The following TRMT44 variants were observed in gnomAD, a reference collection of about 807,000 sequenced individuals.
The protein encoded by TRMT44 is probable tRNA (uracil-O(2)-)-methyltransferase.
A neutral mutation model predicts 77.3 loss-of-function variants in TRMT44; 78 were observed. That is an observed-to-expected ratio of 1.01 (90% CI 0.84 to 1.22). The LOEUF (loss-of-function observed/expected upper bound fraction) is 1.22, where lower values mean the gene tolerates loss of function less well. TRMT44 is among the 50% of genes most tolerant of loss of function. The probability of loss-of-function intolerance (pLI) is 0.00; values close to 1 mark genes in which losing one functional copy is unlikely to be tolerated. For synonymous variants in TRMT44, 391 were observed against 383.3 expected (o/e 1.02, Z -0.23); for missense variants, 1,090 against 964.4 (o/e 1.13, Z -1.73).
chr4:8,448,658 A>G (rs1358194874), intron 2 of TRMT44, among the ~76,000 whole-genome samples: 2 of 152,230 alleles, frequency 1.3e-5, no homozygotes, highest in African/African-American at 4.8e-5. Context: ...CACAGTCCCG[A>G]GCAGGGAGCT....
chr4:8,482,048 C>T (rs749134288), intron 2 of TRMT44, among the ~76,000 whole-genome samples: 7 of 152,176 alleles, frequency 4.6e-5, no homozygotes, highest in African/African-American at 1.2e-4. Flanking sequence ...TGTTAAGGTG[C>T]GTGTCGAGGT....
rs113553358 is a variant in TRMT44, at chr4:8,465,535, T to G, written c.1468T>G (p.Cys490Gly). 11 of 1,613,086 alleles carry G rather than the reference T, an allele frequency of 6.8e-6. No individual in the cohort carries two copies. The Admixed American group carries it at 8.4e-5, about 12-fold the overall frequency. ...CTGTGGGTTTCACGTGGACGAAGAC[T>G]GCCTCAGGATTCCTTCAACCAAAAG... ...FTCGFHVDED[C>G]LRIPSTKRVC... Residue 490 changes from cysteine (C) to glycine (G), a missense_variant, in exon 8 of 11, where the codon TGC (cysteine) becomes GGC (glycine). Physicochemically the swap from Cys to Gly is radical, Grantham distance 159. Transcript: ENST00000389737.
In TRMT44 at chr4:8,453,154, A is replaced by T. The variant is rs144129689; in HGVS notation, c.1131+165A>T. On this transcript the variant is annotated intron_variant, in intron 5 of 10. Coordinates refer to ENST00000389737, the MANE Select transcript of TRMT44 (RefSeq NM_152544.3). Reference sequence around the variant, plus strand: ...AAATTTCTGTTAATCTGATAAACAAACAGCTCCTAAAACAAGGGAAACGTG... The same window carrying T: ...AAATTTCTGTTAATCTGATAAACAATCAGCTCCTAAAACAAGGGAAACGTG... Among the ~76,000 whole-genome samples, 1,266 of 152,328 alleles carry T rather than the reference A, an allele frequency of 8.3e-3. 7 individuals are homozygous for T. Among genetic ancestry groups the T allele is most frequent in the Non-Finnish European group, 0.014 (922 of 68,032 alleles).
intron 1 of TRMT44, among the ~76,000 whole-genome samples, chr4:8,442,681 A>AT (rs1724825683): frequency 6.6e-6 from 1 of 152,144 alleles, no homozygotes; most frequent in South Asian, 2.1e-4. Flanking sequence ...GTAGAATCCA[A>AT]TTTTTTATGT....
In TRMT44 at chr4:8,444,687, C is replaced by T. The variant is rs1724957435; in HGVS notation, c.620-1789C>T. ...TGCCGGGGTTACGGGCGTGAGCCACCTCTCCCGGCCACTATTGTACATTTT... is the reference window on the plus strand; with the variant it reads ...TGCCGGGGTTACGGGCGTGAGCCACTTCTCCCGGCCACTATTGTACATTTT... On this transcript the variant is annotated intron_variant, in intron 1 of 10. Transcript: ENST00000389737. The surrounding 1 kb of genome is among the most constrained non-coding windows in gnomAD (Gnocchi z 4.0). 6.6e-6 allele frequency among the ~76,000 whole-genome samples: 1 copy of T among 152,196 alleles called. No homozygotes were observed. Among genetic ancestry groups the T allele is most frequent in the Non-Finnish European group, 1.5e-5 (1 of 68,034 alleles).
In TRMT44 at chr4:8,454,818, C is replaced by T. The variant is rs775770202; in HGVS notation, c.1203+5C>T. 1.9e-5 allele frequency: 30 copies of T among 1,613,816 alleles called. No homozygotes were observed. The highest frequency in any genetic ancestry group is 1.8e-4 in the South Asian group (16 of 91,082). ...GGACCACAAACTCAGTTAGAGGTAC[C>T]GTCTTTATTACGCATGCCCTTGATC... is the stretch of plus-strand genomic sequence containing the variant. On this transcript the variant is annotated splice_donor_5th_base_variant and intron_variant, in intron 6 of 10. Coordinates refer to ENST00000389737, the MANE Select transcript of TRMT44 (RefSeq NM_152544.3).
At chr4:8,470,931 T>G in intron 9 of TRMT44, 153 bp from the exon 10 acceptor site, 1 of 583,192 alleles carries the variant, frequency 1.7e-6, no homozygotes, top group Non-Finnish European at 3.1e-6. Context: ...TGGTGCGGTG[T>G]GGTGTGGGTT....
chr4:8,470,693 C>T (rs1220871893), intron 9 of TRMT44, among the ~76,000 whole-genome samples: 2 of 152,226 alleles, frequency 1.3e-5, no homozygotes, highest in Admixed American at 6.5e-5. Context: ...TGGGAAGGCT[C>T]AGGCCCCAGG....
At position 8,446,903 on chromosome 4, in the gene TRMT44, A is replaced by ATTG. The variant is rs1169963028; in HGVS notation, c.734+314_734+316dup. Reference sequence around the variant, plus strand: ...CTTTATTGTTATTGTTATTATTATTATTGAGACAGTCTTACACTGTTGCCC... The same window carrying ATTG: ...CTTTATTGTTATTGTTATTATTATTATTGTTGAGACAGTCTTACACTGTTGCCC... On this transcript the variant is annotated intron_variant, in intron 2 of 10. Transcript: ENST00000389737. This position sits in a 1 kb window ranked among gnomAD's most constrained non-coding sequence, Gnocchi z 4.3. 6.6e-6 allele frequency among the ~76,000 whole-genome samples: 1 copy of ATTG among 152,072 alleles called. No homozygotes were observed. Among genetic ancestry groups the ATTG allele is most frequent in the Non-Finnish European group, 1.5e-5 (1 of 68,006 alleles).
intron 10 of TRMT44, among the ~76,000 whole-genome samples, chr4:8,471,457 T>C (rs1285361452): frequency 6.6e-6 from 1 of 152,240 alleles, no homozygotes. Context: ...CCCTATGCTG[T>C]GCTTGCTGAC....
At chr4:8,474,695 C>T (rs575456777) in intron 10 of TRMT44, among the ~76,000 whole-genome samples, 22 of 152,336 alleles carry the variant, frequency 1.4e-4, no homozygotes, top group Admixed American at 9.8e-4. Flanking sequence ...TCCCCCGAGC[C>T]TTCTGTCGTG....
intron 5 of TRMT44, 48 bp from the exon 6 acceptor site, chr4:8,454,694 T>G (rs773367590): frequency 1.3e-6 from 2 of 1,569,344 alleles, no homozygotes; most frequent in Non-Finnish European, 8.8e-7. Context: ...GCTAACTTAT[T>G]ATGAAGTACT....
chr4:8,454,244 A>G (rs180690666), intron 5 of TRMT44, among the ~76,000 whole-genome samples: 95 of 152,176 alleles, frequency 6.2e-4, no homozygotes, highest in Non-Finnish European at 9.4e-4. Flanking sequence ...TGGTCACTCA[A>G]CTCCATGTCC....
Position 8,440,887 on chromosome 4 carries a change from C to T in TRMT44, c.65C>T (p.Ala22Val). ...PGALLPQGFWAAVEVWLERPQ... is the reference protein window; with the variant it reads ...PGALLPQGFWVAVEVWLERPQ... ...GCGCTTCTCCCACAGGGCTTCTGGG[C>T]TGCGGTCGAAGTGTGGCTGGAGAGG... The change falls in exon 1 of 11, where the codon GCT becomes GTT. Residue 22 changes from alanine (A) to valine (V), a missense_variant. Coordinates refer to ENST00000389737, the MANE Select transcript of TRMT44 (RefSeq NM_152544.3). The T allele has an allele frequency of 1.3e-6, 2 of 1,528,328 alleles. No individual in the cohort carries two copies. Among genetic ancestry groups the T allele is most frequent in the Non-Finnish European group, 1.7e-6 (2 of 1,144,660 alleles). 94.7% of individuals were successfully genotyped at this position (1,528,328 alleles called of 1,614,324 possible).
the TRMT44 span, among the ~76,000 whole-genome samples, chr4:8,515,582 G>A: frequency 2.6e-5 from 4 of 152,282 alleles, no homozygotes; most frequent in African/African-American, 7.2e-5. Flanking sequence ...AACCCGAGTC[G>A]GGTGAGTCAG....
intron 2 of TRMT44, among the ~76,000 whole-genome samples, chr4:8,492,260 C>CA (rs1285601650): frequency 5.9e-5 from 9 of 152,290 alleles, no homozygotes; most frequent in Admixed American, 5.9e-4. Flanking sequence ...TAACGATCCT[C>CA]AAATCATGTA....
chr4:8,474,945 C>G (rs1727278311), intron 10 of TRMT44, among the ~76,000 whole-genome samples: 2 of 152,230 alleles, frequency 1.3e-5, no homozygotes, highest in South Asian at 4.1e-4. Flanking sequence ...TGATGTCCCT[C>G]CAGCTCCCCA....
chr4:8,465,258 C>A, intron 7 of TRMT44, 120 bp from the exon 8 acceptor site: 2 of 907,956 alleles, frequency 2.2e-6, no homozygotes, highest in Non-Finnish European at 3.4e-6. Context: ...ACAATATTGG[C>A]CAGGAACATC....
rs560708642 is a variant in TRMT44 at position 8,471,214 on chromosome 4, C to G, written c.2044+14C>G. 12 of 1,499,552 alleles carry G rather than the reference C, an allele frequency of 8.0e-6. No homozygotes were observed. Among genetic ancestry groups the G allele is most frequent in the Non-Finnish European group, 1.0e-5 (11 of 1,103,192 alleles). The allele number at this position is 1,499,552 out of a possible 1,614,324, so 92.9% of individuals were successfully genotyped here. On this transcript the variant is annotated intron_variant, in intron 10 of 10. Coordinates refer to ENST00000389737, the MANE Select transcript of TRMT44 (RefSeq NM_152544.3). The stretch of plus-strand genomic sequence containing the variant: ...AGGTGTTCCAAGGTACGGAGTCCGC[C>G]TCTCCCCCGCCGTTCTTTCCTTCTT...
Sources: gnomAD v4.1 joint callset for allele counts (sites outside exome capture counted in the v4.1 genomes callset) on GRCh38, gnomAD v4.1.1 for gene constraint, Gnocchi (gnomAD v3.1) non-coding constraint, MANE v1.5 for transcripts, NCBI Gene and HGNC (gene_info 2026-07-23, HGNC 2026-07-21) for gene names.